FANCG: variants seen among roughly 807,000 people sequenced by gnomAD.
The protein encoded by FANCG is Fanconi anemia group G protein.
A neutral mutation model predicts 73.3 loss-of-function variants in FANCG; 67 were observed. The observed-to-expected ratio is 0.91, with a 90% CI of 0.75 to 1.12. The LOEUF is 1.12. Among genes scored for constraint, FANCG ranks in the 50% most tolerant of loss-of-function variants. FANCG has a pLI of 0.00. For synonymous variants in FANCG, 297 were observed against 311.6 expected, an observed-to-expected ratio of 0.95 and a Z score of 0.49; for missense variants, 643 against 735.6, an observed-to-expected ratio of 0.87 and a Z score of 1.46.
intron 12 of FANCG, 92 bp from the exon 13 acceptor site, chr9:35,074,586 A>C: frequency 6.5e-7 from 1 of 1,544,576 alleles, no homozygotes; most frequent in Non-Finnish European, 8.9e-7. Context: ...TAGAGAGAGG[A>C]AGTATCTTGC....
intron 8 of FANCG, 77 bp from the exon 9 acceptor site, chr9:35,076,105 T>G (rs1039336164): frequency 1.4e-6 from 2 of 1,380,704 alleles, no homozygotes; most frequent in African/African-American, 2.8e-5. Context: ...TGTTCTCTCT[T>G]AGCTAACAGA....
intron 2 of FANCG, 92 bp downstream of exon 2, chr9:35,079,059 C>G: frequency 8.9e-7 from 1 of 1,119,490 alleles, no homozygotes; most frequent in Non-Finnish European, 1.3e-6. Context: ...CTCCCTGCCC[C>G]GAGTAATTAT....
Position 35,075,945 on chromosome 9 carries a change from C to T in FANCG, c.1143+17G>A, listed in dbSNP as rs753111489. On this transcript the variant is annotated intron_variant, in intron 9 of 13. Coordinates refer to ENST00000378643, the MANE Select transcript of FANCG (RefSeq NM_004629.2). Reference sequence around the variant, plus strand: ...ACCCGTCTACCCCATTGCAGAGAAGCTTGAAGACACACCCACCCTTGGCTC... The same window carrying T: ...ACCCGTCTACCCCATTGCAGAGAAGTTTGAAGACACACCCACCCTTGGCTC... 1.9e-6 allele frequency: 3 copies of T among 1,614,008 alleles called. No individual in the cohort carries two copies. The highest frequency in any genetic ancestry group is 2.5e-6 in the Non-Finnish European group (3 of 1,179,888).
At chr9:35,078,554 A>C (rs946256434) in intron 3 of FANCG, 51 bp downstream of exon 3, 1 of 1,613,730 alleles carries the variant, frequency 6.2e-7, no homozygotes, top group Non-Finnish European at 8.5e-7. Flanking sequence ...GCAATAACTT[A>C]AACCCAGACT....
At position 35,077,346 on chromosome 9, in the gene FANCG, A is replaced by C; in HGVS notation, c.564T>G (p.Ala188=). 6.2e-7 allele frequency: 1 copy of C among 1,614,150 alleles called. No individual in the cohort carries two copies. Among genetic ancestry groups the C allele is most frequent in the Non-Finnish European group, 8.5e-7 (1 of 1,180,012 alleles). The change falls in exon 5 of 14, where the codon GCT becomes GCG. Residue 188 remains alanine, a synonymous_variant. Transcript: ENST00000378643. ...LLLLKTWSPP[A]EELDAPLTLQ... ...GGGTCAATGGAGCATCTAATTCCTC[A>C]GCTGGGGGACTCCAAGTTTTCAGAA...
chr9:35,075,019 G>A lies in FANCG; in HGVS notation c.1544C>T (p.Ala515Val), dbSNP rs1234056214. 5.6e-6 allele frequency: 9 copies of A among 1,614,198 alleles called. No individual in the cohort carries two copies. Among genetic ancestry groups the A allele is most frequent in the Non-Finnish European group, 5.9e-6 (7 of 1,180,044 alleles). ...TTCCAGTCCACGACTAATTAGGGCG[G>A]CTGCCCGAAGCTGCTGCAGTGCCGC... is the stretch of plus-strand genomic sequence containing the variant. ...SDAALQQLRA[A>V]ALISRGLEWV... is the part of the protein sequence containing the mutation. The change falls in exon 12 of 14, where the codon GCC (alanine) becomes GTC (valine). Residue 515 changes from alanine (A) to valine (V), a missense_variant. Coordinates refer to ENST00000378643, the MANE Select transcript of FANCG (RefSeq NM_004629.2).
chr9:35,074,969 TG>T lies in FANCG; in HGVS notation c.1593del (p.Ala533ProfsTer26), dbSNP rs761519737. Reference protein sequence around the residue: ...GLEWVASGQDTKALQDFLLSV... With the variant: ...GLEWVASGQDXKALQDFLLSV... ...CTGAGGAGGAAGTCCTGTAAGGCTT[TG>T]GTATCCTGGCCGCTGGCTACCCATT... On this transcript the variant is annotated frameshift_variant, in exon 12 of 14. Transcript: ENST00000378643. LOFTEE classifies it high-confidence loss of function. 20 of 1,614,106 alleles carry T rather than the reference TG, an allele frequency of 1.2e-5. No individual in the cohort carries two copies. The highest frequency in any genetic ancestry group is 2.7e-5 in the African/African-American group (2 of 74,940).
At chr9:35,074,847 C>T in intron 12 of FANCG, 80 bp downstream of exon 12, 2 of 1,565,708 alleles carry the variant, frequency 1.3e-6, no homozygotes, top group South Asian at 2.2e-5. Flanking sequence ...ACCACTCTTA[C>T]ACTTACGCCC....
In FANCG at chr9:35,075,661, C is replaced by A; in HGVS notation, c.1237G>T (p.Ala413Ser). 6.2e-7 allele frequency: 1 copy of A among 1,612,498 alleles called. No individual in the cohort carries two copies. Among genetic ancestry groups the A allele is most frequent in the Non-Finnish European group, 8.5e-7 (1 of 1,179,884 alleles). Residue 413 changes from alanine to serine, a missense_variant, in exon 10 of 14, where the codon GCC (alanine) becomes TCC (serine). By Grantham distance (99) the Ala-to-Ser change is moderately conservative. Coordinates refer to ENST00000378643, the MANE Select transcript of FANCG (RefSeq NM_004629.2). ...AGCAACTCCTCACATAGAGTCAAGG[C>A]ATCTTGGGCTCTGCCTGCCTGGATC... ...ALIQAGRAQD[A>S]LTLCEELLSR...
chr9:35,076,450 CTGCTTGCTAGTATG>C lies in FANCG; in HGVS notation c.1044_1057del (p.His348GlnfsTer25), dbSNP rs749744400. The C allele has an allele frequency of 1.2e-6, 2 of 1,614,136 alleles. No individual in the cohort carries two copies. The highest frequency in any genetic ancestry group is 2.2e-5 in the South Asian group (2 of 91,086). ...ACCTCACCTCCCCGTCTGTAGGCACCTGCTTGCTAGTATGTGCTTGGTCTGGCTCTGAGTGCCAC... is the reference window on the plus strand; with the variant it reads ...ACCTCACCTCCCCGTCTGTAGGCACCTGCTTGGTCTGGCTCTGAGTGCCAC... On this transcript the variant is annotated frameshift_variant, in exon 8 of 14. Transcript: ENST00000378643. LOFTEE classifies it high-confidence loss of function.
rs1829054449 is a variant in FANCG, at chr9:35,074,928, T to C, written c.1635A>G (p.Pro545=). 1 of 1,614,196 alleles carries C rather than the reference T, an allele frequency of 6.2e-7. No individual in the cohort carries two copies. Among genetic ancestry groups the C allele is most frequent in the East Asian group, 2.2e-5 (1 of 44,890 alleles). Residue 545 remains proline (P), a splice_region_variant and synonymous_variant, in exon 12 of 14, where the codon CCA becomes CCG. Coordinates refer to ENST00000378643, the MANE Select transcript of FANCG (RefSeq NM_004629.2). ...QDFLLSVQMC[P]GNRDTYFHLL... ...CCGACGTCATGCAAGTATACATACC[T>C]GGGCACATCTGCACACTGAGGAGGA...
At chr9:35,079,049 C>T in intron 2 of FANCG, 102 bp downstream of exon 2, 1 of 1,018,984 alleles carries the variant, frequency 9.8e-7, no homozygotes, top group Non-Finnish European at 1.5e-6. Context: ...TTAAACAGGA[C>T]TCCCTGCCCC....
rs369622138 is a variant in FANCG at position 35,076,487 on chromosome 9, C to T, written c.1021G>A (p.Gly341Ser). The T allele has an allele frequency of 7.4e-6, 12 of 1,614,150 alleles. No individual in the cohort carries two copies. In the African/African-American group the frequency reaches 1.3e-4, roughly 18 times the overall value. ...ATGTGCTTGGTCTGGCTCTGAGTGC[C>T]ACAATGAAGGGGTGAGGCTAGGTCA... ...PPDLASPLHC[G>S]TQSQTKHILA... Residue 341 changes from glycine to serine, a missense_variant, in exon 8 of 14, where the codon GGC (glycine) becomes AGC (serine). Coordinates refer to ENST00000378643, the MANE Select transcript of FANCG (RefSeq NM_004629.2).
rs1829027688 is a variant in FANCG at position 35,074,015 on chromosome 9, TG to T, written c.*92del. ...CACCAGTCCAGGAATTATATAGGAA[TG>T]GTCACATTCCTAATGATGGTGAAGC... On this transcript the variant is annotated 3_prime_UTR_variant, in exon 14 of 14. Coordinates refer to ENST00000378643, the MANE Select transcript of FANCG (RefSeq NM_004629.2). The T allele has an allele frequency of 1.0e-6, 1 of 952,836 alleles. No individual in the cohort carries two copies. Among genetic ancestry groups the T allele is most frequent in the Non-Finnish European group, 1.7e-6 (1 of 581,824 alleles). 59.0% of individuals were successfully genotyped at this position (952,836 alleles called of 1,614,324 possible). A position where few individuals can be genotyped will look rare whatever the true frequency, so the allele number is the denominator to read the frequency against.
In FANCG at chr9:35,075,972, G is replaced by A. The variant is rs4986939; in HGVS notation, c.1133C>T (p.Ser378Leu). ...LDLLALLLDSSEPRFSPPPSP... is the reference protein window; with the variant it reads ...LDLLALLLDSLEPRFSPPPSP... ...TGAAGACACACCCACCCTTGGCTCC[G>A]AGCTATCCAGCAACAGGGCCAGCAG... The change falls in exon 9 of 14, where the codon TCG becomes TTG. Residue 378 changes from serine (S) to leucine (L), a missense_variant. Physicochemically the swap from Ser to Leu is moderately radical, Grantham distance 145. Transcript: ENST00000378643. 8,900 of 1,614,082 alleles carry A rather than the reference G, an allele frequency of 5.5e-3. 437 individuals carry two copies. In the African/African-American group the frequency reaches 0.1, roughly 19 times the overall value.
intron 5 of FANCG, 78 bp from the exon 6 acceptor site, chr9:35,077,179 C>A (rs1829100997): frequency 6.2e-7 from 1 of 1,613,640 alleles, no homozygotes; most frequent in Admixed American, 1.7e-5. Context: ...CTAAGAAGCC[C>A]ATGGAACTGA....
At chr9:35,077,515 A>T in intron 4 of FANCG, 116 bp from the exon 5 acceptor site, 10 of 1,249,342 alleles carry the variant, frequency 8.0e-6, no homozygotes, top group African/African-American at 2.9e-5. Flanking sequence ...TTGAGGACAC[A>T]GGCCTCAGCT....
intron 1 of FANCG, 52 bp downstream of exon 1, chr9:35,079,389 C>A: frequency 1.2e-6 from 2 of 1,607,422 alleles, no homozygotes; most frequent in South Asian, 1.1e-5. Flanking sequence ...ACTGCAAACC[C>A]GCTTTCAGGG....
At position 35,076,933 on chromosome 9, in the gene FANCG, C is replaced by T. The variant is rs145939729; in HGVS notation, c.777+38G>A. 104 of 1,614,178 alleles carry T rather than the reference C, an allele frequency of 6.4e-5. No individual in the cohort carries two copies. The East Asian group carries it at 2.2e-3, about 35-fold the overall frequency. On this transcript the variant is annotated intron_variant, in intron 6 of 13. Transcript: ENST00000378643. Reference sequence around the variant, plus strand: ...ACAAAGCAAAAAGCTATACATAATGCTTGTGGTTTCCCCAATCCACCCTAG... The same window carrying T: ...ACAAAGCAAAAAGCTATACATAATGTTTGTGGTTTCCCCAATCCACCCTAG...
Sources: gnomAD v4.1 joint callset for allele counts on GRCh38, gnomAD v4.1.1 for gene constraint, MANE v1.5 for transcripts, NCBI Gene and HGNC (gene_info 2026-07-23, HGNC 2026-07-21) for gene names.